Variants in PACRGL observed in about 807,000 individuals in gnomAD.
PACRGL encodes the protein parkin coregulated like, also known as PACRG-like protein.
PACRGL carries 38 observed loss-of-function variants against 34.5 expected under a neutral mutation model. That is an observed-to-expected ratio of 1.10 (90% CI 0.85 to 1.44). The LOEUF (loss-of-function observed/expected upper bound fraction) is 1.44. Ranked by LOEUF, PACRGL falls within the 40% of genes most tolerant of loss-of-function variation. PACRGL has a pLI of 0.00. For missense variants in PACRGL, 305 were observed against 281.4 expected (o/e 1.08, Z -0.60); for synonymous variants, 128 against 100.1 (o/e 1.28, Z -1.66).
At chr4:20,742,713 A>G (rs1223585738) in intron 8 of PACRGL, among the ~76,000 whole-genome samples, 1 of 152,186 alleles carries the variant, frequency 6.6e-6, no homozygotes, top group East Asian at 1.9e-4. Flanking sequence ...AGTTCTGGCC[A>G]GGGCAATCAG....
rs1173769504 is a variant in PACRGL at position 20,732,431 on chromosome 4, G to GAAAAC, written c.*5096_*5100dup. On this transcript the variant is annotated 3_prime_UTR_variant, in exon 9 of 9. Transcript: ENST00000503585. The stretch of plus-strand genomic sequence containing the variant: ...TATAGGATTCTTGTAAAAACTGAAT[G>GAAAAC]AAAACAAAACTTGTGAAACATGAGA... Among the ~76,000 whole-genome samples, 1 of 152,138 alleles carries GAAAAC rather than the reference G, an allele frequency of 6.6e-6. No individual in the cohort carries two copies. The highest frequency in any genetic ancestry group is 2.1e-4 in the South Asian group (1 of 4,834).
At chr4:20,709,659 C>T in intron 4 of PACRGL, 24 bp from the exon 5 acceptor site, 3 of 1,426,076 alleles carry the variant, frequency 2.1e-6, no homozygotes, top group Non-Finnish European at 2.0e-6. Flanking sequence ...TTTCTTGTTG[C>T]ATTCACTAAC....
intron 7 of PACRGL, among the ~76,000 whole-genome samples, chr4:20,724,027 A>G (rs1379215931): frequency 6.6e-6 from 1 of 152,156 alleles, no homozygotes; most frequent in Non-Finnish European, 1.5e-5. Context: ...TTATTGGAAG[A>G]AAGGGTATTA....
intron 7 of PACRGL, chr4:20,716,031 A>C: frequency 7.2e-7 from 1 of 1,381,236 alleles, no homozygotes; most frequent in Non-Finnish European, 9.7e-7. Context: ...TGTTTTAGTG[A>C]ATCTGTAAAT....
At chr4:20,735,899 A>G, downstream of PACRGL, among the ~76,000 whole-genome samples, 1 of 152,052 alleles carries the variant, frequency 6.6e-6, no homozygotes, top group Non-Finnish European at 1.5e-5. Flanking sequence ...TTTATAATCC[A>G]CTTTTAGGTA....
At chr4:20,727,166 T>G in intron 8 of PACRGL, 119 bp from the exon 9 acceptor site, 1 of 794,552 alleles carries the variant, frequency 1.3e-6, no homozygotes, top group Non-Finnish European at 2.0e-6. Flanking sequence ...TTCATCATTT[T>G]GTTCTTACCC....
At chr4:20,713,092 A>AT (rs1262963029) in intron 6 of PACRGL, 170 bp downstream of exon 6, 3 of 661,492 alleles carry the variant, frequency 4.5e-6, no homozygotes, top group Non-Finnish European at 7.0e-6. Flanking sequence ...TCAGGGCCAG[A>AT]TAACTACATA....
intron 1 of PACRGL, chr4:20,702,131 T>G (rs1336872848): frequency 2.0e-5 from 9 of 456,078 alleles, no homozygotes; most frequent in Non-Finnish European, 3.5e-5. Context: ...ATGCAACACC[T>G]CCCCATTAGT....
At chr4:20,732,633 A>C, downstream of PACRGL, 2 of 1,242,994 alleles carry the variant, frequency 1.6e-6, no homozygotes, top group Non-Finnish European at 2.4e-6. Context: ...AACATCAGGA[A>C]ATTTTCTCCT....
chr4:20,705,764 G>C (rs1734217077), intron 3 of PACRGL, among the ~76,000 whole-genome samples: 1 of 151,458 alleles, frequency 6.6e-6, no homozygotes, highest in Admixed American at 6.6e-5. Flanking sequence ...GGAAAGTTTT[G>C]GGAAATAGTT....
chr4:20,735,574 G>C (rs1256635370), downstream of PACRGL, among the ~76,000 whole-genome samples: 1 of 135,830 alleles, frequency 7.4e-6, no homozygotes, highest in Admixed American at 8.2e-5. Context: ...CTGTTGCCCA[G>C]GCTGGAGTGC....
intron 6 of PACRGL, 81 bp from the exon 7 acceptor site, chr4:20,713,351 C>CT (rs1469375641): frequency 2.7e-6 from 3 of 1,091,772 alleles, no homozygotes; most frequent in Non-Finnish European, 4.1e-6. Flanking sequence ...CTTGCTTGCC[C>CT]TTTTTTCTAA....
the PACRGL span, among the ~76,000 whole-genome samples, chr4:20,764,068 T>C: frequency 6.6e-6 from 1 of 152,190 alleles, no homozygotes; most frequent in Non-Finnish European, 1.5e-5. Flanking sequence ...GCCTCACTCA[T>C]CCATCTTCTG....
At chr4:20,704,629 T>C in intron 2 of PACRGL, 31 bp from the exon 3 acceptor site, 1 of 1,613,774 alleles carries the variant, frequency 6.2e-7, no homozygotes, top group African/African-American at 1.3e-5. Flanking sequence ...TGCTTGTACC[T>C]GGTTTCTATT....
Position 20,705,035 on chromosome 4 carries a change from C to T in PACRGL, c.207+221C>T, listed in dbSNP as rs577645593. Among the ~76,000 whole-genome samples the T allele has an allele frequency of 7.9e-4, 120 of 152,246 alleles. 2 individuals are homozygous for T. Among genetic ancestry groups the T allele is most frequent in the African/African-American group, 2.5e-3 (104 of 41,540 alleles). The stretch of plus-strand genomic sequence containing the variant: ...ATAGAAGTTAACCTGTTTGGGATAT[C>T]GCATTGTAGTGCATAGAAAATTGCA... On this transcript the variant is annotated intron_variant, in intron 3 of 8. Coordinates refer to ENST00000503585, the MANE Select transcript of PACRGL (RefSeq NM_001258345.3).
intron 8 of PACRGL, among the ~76,000 whole-genome samples, chr4:20,748,890 G>C (rs1753014901): frequency 8.1e-6 from 1 of 122,858 alleles, no homozygotes; most frequent in African/African-American, 3.6e-5. Flanking sequence ...GTATGTGTGT[G>C]TGTGTATATA....
chr4:20,699,412 T>C (rs1300223447), upstream of PACRGL, among the ~76,000 whole-genome samples: 6 of 152,168 alleles, frequency 3.9e-5, no homozygotes, highest in Non-Finnish European at 8.8e-5. Context: ...AAATTAGACA[T>C]AGACAGAATT....
the PACRGL span, among the ~76,000 whole-genome samples, chr4:20,766,316 C>T: frequency 3.7e-4 from 56 of 152,206 alleles, no homozygotes; most frequent in Middle Eastern, 6.8e-3. Flanking sequence ...TGCCTGTAAT[C>T]CCAGTACTTT....
intron 5 of PACRGL, among the ~76,000 whole-genome samples, chr4:20,710,539 G>A (rs1173699456): frequency 3.9e-5 from 6 of 152,126 alleles, no homozygotes; most frequent in African/African-American, 1.2e-4. Flanking sequence ...AAGCACCTGA[G>A]TTCTTTCACT....
Sources: gnomAD v4.1 joint callset for allele counts (sites outside exome capture counted in the v4.1 genomes callset) on GRCh38, gnomAD v4.1.1 for gene constraint, MANE v1.5 for transcripts, NCBI Gene and HGNC (gene_info 2026-07-23, HGNC 2026-07-21) for gene names.